The following VMP1 variants were observed in gnomAD, a reference collection of about 807,000 sequenced individuals.
VMP1 encodes ectopic P-granules autophagy protein 3 homolog.
In VMP1, 11 loss-of-function variants were observed where a neutral mutation model predicts 56.0. The observed-to-expected ratio is 0.20, with a 90% CI of 0.12 to 0.32. The LOEUF is 0.32. VMP1 is among the 10% of genes least tolerant of loss of function. The pLI is 1.00. For missense variants in VMP1, 296 were observed against 490.3 expected, an observed-to-expected ratio of 0.60 and a Z score of 3.74; for synonymous variants, 149 against 165.0, an observed-to-expected ratio of 0.90 and a Z score of 0.74.
chr17:59,756,326 GTTTA>G (rs770320773), intron 5 of VMP1, among the ~76,000 whole-genome samples: 3 of 151,992 alleles, frequency 2.0e-5, no homozygotes, highest in Admixed American at 1.3e-4. Context: ...ATCTTTTTTT[GTTTA>G]TTTATCACCC....
intron 1 of VMP1, among the ~76,000 whole-genome samples, chr17:59,724,653 C>T (rs1245938659): frequency 6.6e-6 from 1 of 151,750 alleles, no homozygotes; most frequent in Non-Finnish European, 1.5e-5. Context: ...GCCTTCGTAA[C>T]AGAGTGAAAC....
chr17:59,767,496 A>C (rs947637652), intron 6 of VMP1, among the ~76,000 whole-genome samples: 13 of 152,236 alleles, frequency 8.5e-5, no homozygotes, highest in Non-Finnish European at 4.4e-5. Flanking sequence ...TTAGAATAAC[A>C]GAAGATACTT....
intron 6 of VMP1, among the ~76,000 whole-genome samples, chr17:59,767,611 C>A (rs2036277603): frequency 6.6e-6 from 1 of 152,022 alleles, no homozygotes; most frequent in African/African-American, 2.4e-5. Context: ...AACCTTAAGG[C>A]CAACAAATGA....
chr17:59,719,346 T>A (rs1428555057), intron 1 of VMP1, among the ~76,000 whole-genome samples: 1 of 105,264 alleles, frequency 9.5e-6, no homozygotes, highest in South Asian at 2.9e-4. Flanking sequence ...AACAAATAGA[T>A]ACTTCTGAAA....
intron 5 of VMP1, among the ~76,000 whole-genome samples, chr17:59,747,056 T>C (rs2035448580): frequency 6.6e-6 from 1 of 152,222 alleles, no homozygotes; most frequent in African/African-American, 2.4e-5. Flanking sequence ...ACAGCCAATA[T>C]ACTGTTGTAT....
intron 5 of VMP1, 113 bp from the exon 6 acceptor site, chr17:59,764,857 TG>T (rs2036177336): frequency 1.4e-6 from 1 of 729,758 alleles, no homozygotes. Flanking sequence ...GAATTATTTT[TG>T]TTCTTTGAAA....
chr17:59,728,134 CT>C (rs997571467), intron 1 of VMP1, among the ~76,000 whole-genome samples: 1 of 151,970 alleles, frequency 6.6e-6, no homozygotes, highest in African/African-American at 2.4e-5. Flanking sequence ...TGAATGTGTG[CT>C]TTTTTTTCTA....
intron 10 of VMP1, among the ~76,000 whole-genome samples, chr17:59,818,549 T>C (rs574755817): frequency 2.8e-4 from 43 of 152,154 alleles, no homozygotes; most frequent in African/African-American, 9.9e-4. Context: ...GGCAGGCGGA[T>C]CGCCTGAGGT....
At chr17:59,810,767 C>T (rs2038028803) in intron 8 of VMP1, among the ~76,000 whole-genome samples, 2 of 152,070 alleles carry the variant, frequency 1.3e-5, no homozygotes, top group South Asian at 4.1e-4. Flanking sequence ...TTTTAAATAA[C>T]TAGGCTTTTC....
intron 10 of VMP1, among the ~76,000 whole-genome samples, chr17:59,818,502 G>A (rs2038325673): frequency 6.6e-6 from 1 of 152,218 alleles, no homozygotes; most frequent in Non-Finnish European, 1.5e-5. Flanking sequence ...CAGGCACGGT[G>A]GCTGATGCCT....
chr17:59,821,685 T>C (rs573817194), intron 10 of VMP1, among the ~76,000 whole-genome samples: 1 of 151,920 alleles, frequency 6.6e-6, no homozygotes, highest in East Asian at 1.9e-4. Flanking sequence ...CCCGAGCAGC[T>C]GGGATTATAG....
At chr17:59,760,147 T>C (rs1023556271) in intron 5 of VMP1, among the ~76,000 whole-genome samples, 1 of 150,860 alleles carries the variant, frequency 6.6e-6, no homozygotes, top group Non-Finnish European at 1.5e-5. Flanking sequence ...AAAAAAAAAT[T>C]AGTGGTTGTC....
intron 5 of VMP1, among the ~76,000 whole-genome samples, chr17:59,759,639 C>T (rs1328012319): frequency 1.3e-5 from 2 of 151,732 alleles, no homozygotes; most frequent in Non-Finnish European, 2.9e-5. Flanking sequence ...TTTCTTTTCC[C>T]ATTTCTTTAC....
chr17:59,793,561 A>T lies in VMP1; in HGVS notation c.715-15235A>T, dbSNP rs111870287. Reference sequence around the variant, plus strand: ...CAGGCACCCACCTGAGTTTGAGTGGATGCCAGCTGCCTAAGAATTACCATG... The same window carrying T: ...CAGGCACCCACCTGAGTTTGAGTGGTTGCCAGCTGCCTAAGAATTACCATG... On this transcript the variant is annotated intron_variant, in intron 7 of 11. Transcript: ENST00000262291. Among the ~76,000 whole-genome samples, 13 of 116,698 alleles carry T rather than the reference A, an allele frequency of 1.1e-4. 2 individuals are homozygous for T. The highest frequency in any genetic ancestry group is 3.3e-4 in the African/African-American group (13 of 38,936). The allele number at this position is 116,698 out of a possible 152,430, so 76.6% of individuals were successfully genotyped here.
At chr17:59,838,010 C>T (rs2039035597) in intron 10 of VMP1, 2 of 244,254 alleles carry the variant, frequency 8.2e-6, no homozygotes, top group South Asian at 1.6e-4. Context: ...TTGCTGGAAG[C>T]GGTTTCTGAT....
intron 10 of VMP1, among the ~76,000 whole-genome samples, chr17:59,835,736 C>T (rs560544798): frequency 1.3e-5 from 2 of 150,780 alleles, no homozygotes; most frequent in Admixed American, 6.6e-5. Context: ...GTGATCCGCC[C>T]GCCTCGGCCT....
chr17:59,835,274 G>A (rs758568518), intron 10 of VMP1, among the ~76,000 whole-genome samples: 12 of 148,810 alleles, frequency 8.1e-5, no homozygotes, highest in Middle Eastern at 3.5e-3. Flanking sequence ...GATTACAGGC[G>A]TGTGCCACCA....
chr17:59,836,928 G>A (rs537021140), intron 10 of VMP1, among the ~76,000 whole-genome samples: 1 of 152,090 alleles, frequency 6.6e-6, no homozygotes, highest in Admixed American at 6.5e-5. Context: ...AAGGCCAGTC[G>A]CGGTGGCTCA....
chr17:59,736,828 G>T (rs2035035854), intron 3 of VMP1, among the ~76,000 whole-genome samples: 1 of 150,090 alleles, frequency 6.7e-6, no homozygotes, highest in Non-Finnish European at 1.5e-5. Context: ...AGATCACTAA[G>T]ACAGGAGTTC....
Sources: allele counts gnomAD v4.1 joint callset (sites outside exome capture counted in the v4.1 genomes callset), GRCh38; gene constraint gnomAD v4.1.1; transcripts MANE v1.5; gene names NCBI Gene and HGNC (gene_info 2026-07-23, HGNC 2026-07-21).